The following PRDM16 variants were observed in gnomAD, a reference collection of about 807,000 sequenced individuals.
The protein encoded by PRDM16 is histone-lysine N-methyltransferase PRDM16.
Under a neutral mutation model 110.6 loss-of-function variants are expected in PRDM16, and 23 were observed. That is an observed-to-expected ratio of 0.21 (90% confidence interval 0.15 to 0.29). The LOEUF (loss-of-function observed/expected upper bound fraction) is 0.29. Ranked by LOEUF, PRDM16 falls within the 10% of genes least tolerant of loss-of-function variation. The pLI is 1.00. For missense variants in PRDM16, 1,615 were observed against 1,794.3 expected (o/e 0.90, Z 1.81); for synonymous variants, 799 against 781.8 (o/e 1.02, Z -0.37).
chr1:3,340,300 G>A (rs2100511296), intron 3 of PRDM16, among the ~76,000 whole-genome samples: 1 of 152,138 alleles, frequency 6.6e-6, no homozygotes, highest in East Asian at 1.9e-4. Flanking sequence ...TCGGAGGGAG[G>A]TACAGGTGGT....
chr1:3,259,861 G>A (rs1402548301), intron 3 of PRDM16, among the ~76,000 whole-genome samples: 1 of 152,130 alleles, frequency 6.6e-6, no homozygotes, highest in East Asian at 1.9e-4. Flanking sequence ...TCCCTCCCTC[G>A]TTAGTGCAGC....
intron 3 of PRDM16, among the ~76,000 whole-genome samples, chr1:3,341,327 G>A (rs924268336): frequency 5.3e-5 from 8 of 152,220 alleles, no homozygotes; most frequent in African/African-American, 1.9e-4. Context: ...TCCTCCTTCA[G>A]AGGCTGCAGG....
intron 3 of PRDM16, among the ~76,000 whole-genome samples, chr1:3,316,267 T>TG (rs1641598255): frequency 3.6e-4 from 1 of 2,776 alleles, no homozygotes; most frequent in Non-Finnish European, 6.6e-4. Context: ...ACCTACACTG[T>TG]GGGGGTAGGG....
rs79850495 is a variant in PRDM16 at position 3,324,334 on chromosome 1, G to A, written c.439-60818G>A. Among the ~76,000 whole-genome samples the A allele has an allele frequency of 6.1e-3, 929 of 152,196 alleles. 8 individuals carry two copies. The highest frequency in any genetic ancestry group is 0.021 in the African/African-American group (865 of 41,522). The stretch of plus-strand genomic sequence containing the variant: ...TCTCTGAGGCCACCTTTGCCACCCT[G>A]CCCCGCCTGCCAGTCCTGGCCATCT... On this transcript the variant is annotated intron_variant, in intron 3 of 16. Transcript: ENST00000270722.
Position 3,390,049 on chromosome 1 carries a change from C to A in PRDM16, c.573+4763C>A, listed in dbSNP as rs182549849. ...TGGTTCTTTCTCCTGTAATTATGAA[C>A]AAATGAGCTGGTTTGAAATGTTTCA... On this transcript the variant is annotated intron_variant, in intron 4 of 16. Coordinates refer to ENST00000270722, the MANE Select transcript of PRDM16 (RefSeq NM_022114.4). The surrounding 1 kb of genome is among the most constrained non-coding windows in gnomAD (Gnocchi z 5.0). Among the ~76,000 whole-genome samples the A allele has an allele frequency of 1.1e-3, 157 of 142,222 alleles. No individual in the cohort carries two copies. The highest frequency in any genetic ancestry group is 3.9e-3 in the Middle Eastern group (1 of 258). The allele number at this position is 142,222 out of a possible 152,430, so 93.3% of individuals were successfully genotyped here. A position where few individuals can be genotyped will look rare whatever the true frequency, so the allele number is the denominator to read the frequency against.
At chr1:3,313,661 G>A (rs1366611268) in intron 3 of PRDM16, among the ~76,000 whole-genome samples, 1 of 152,246 alleles carries the variant, frequency 6.6e-6, no homozygotes, top group Admixed American at 6.5e-5. Flanking sequence ...CCGCCTGGGG[G>A]CCAGAACCAC....
In PRDM16 at chr1:3,265,167, G is replaced by A. The variant is rs1470530170; in HGVS notation, c.438+21030G>A. On this transcript the variant is annotated intron_variant, in intron 3 of 16. Coordinates refer to ENST00000270722, the MANE Select transcript of PRDM16 (RefSeq NM_022114.4). The surrounding 1 kb of genome is among the most constrained non-coding windows in gnomAD (Gnocchi z 4.5). Reference sequence around the variant, plus strand: ...CGAGGCGAGCGGGCTGTTAGGACTGGGACTGAGGGTGGTGGACAGGGATGA... The same window carrying A: ...CGAGGCGAGCGGGCTGTTAGGACTGAGACTGAGGGTGGTGGACAGGGATGA... 6.6e-6 allele frequency among the ~76,000 whole-genome samples: 1 copy of A among 152,134 alleles called. No individual in the cohort carries two copies. Among genetic ancestry groups the A allele is most frequent in the Non-Finnish European group, 1.5e-5 (1 of 68,016 alleles).
chr1:3,274,619 C>T (rs1640540601), intron 3 of PRDM16, among the ~76,000 whole-genome samples: 1 of 152,238 alleles, frequency 6.6e-6, no homozygotes, highest in Admixed American at 6.5e-5. Context: ...ATTACAGTAG[C>T]ACCTGCCTTC....
intron 5 of PRDM16, among the ~76,000 whole-genome samples, chr1:3,398,449 A>T (rs1643418983): frequency 6.6e-6 from 1 of 152,176 alleles, no homozygotes; most frequent in Non-Finnish European, 1.5e-5. Context: ...ACAGAAAGAA[A>T]ATGCAAAAAT....
At chr1:3,324,226 A>G (rs552279562) in intron 3 of PRDM16, among the ~76,000 whole-genome samples, 252 of 152,094 alleles carry the variant, frequency 1.7e-3, no homozygotes, top group African/African-American at 5.7e-3. Flanking sequence ...GGACTCCCAC[A>G]GTGGGGCCTG....
In PRDM16 at chr1:3,244,243, A is replaced by C; in HGVS notation, c.438+106A>C. 1 of 1,056,940 alleles carries C rather than the reference A, an allele frequency of 9.5e-7. No individual in the cohort carries two copies. The highest frequency in any genetic ancestry group is 1.6e-5 in the African/African-American group (1 of 64,316). 65.5% of individuals were successfully genotyped at this position (1,056,940 alleles called of 1,614,324 possible). A position where few individuals can be genotyped will look rare whatever the true frequency, so the allele number is the denominator to read the frequency against. On this transcript the variant is annotated intron_variant, in intron 3 of 16. Transcript: ENST00000270722. The surrounding 1 kb of genome is among the most constrained non-coding windows in gnomAD (Gnocchi z 4.1). ...CCTGAGCTAACAAGCGTGTAGTCGGAATGTTGCTGGCAGGCCCCGAGCAAT... is the reference window on the plus strand; with the variant it reads ...CCTGAGCTAACAAGCGTGTAGTCGGCATGTTGCTGGCAGGCCCCGAGCAAT...
intron 1 of PRDM16, among the ~76,000 whole-genome samples, chr1:3,082,876 C>G (rs1642063343): frequency 6.6e-6 from 1 of 152,170 alleles, no homozygotes; most frequent in Non-Finnish European, 1.5e-5. Context: ...GCCTGTGGCC[C>G]CTGGGTCTGT....
At chr1:3,281,038 G>T (rs560649366) in intron 3 of PRDM16, among the ~76,000 whole-genome samples, 1 of 152,348 alleles carries the variant, frequency 6.6e-6, no homozygotes, top group African/African-American at 2.4e-5. Context: ...CTGGGTGGTT[G>T]TTCAACACCG....
rs1378911604 is a variant in PRDM16 at position 3,069,654 on chromosome 1, AAGTT to A, written c.37+361_37+364del. On this transcript the variant is annotated intron_variant, in intron 1 of 16. Transcript: ENST00000270722. The surrounding 1 kb of genome is among the most constrained non-coding windows in gnomAD (Gnocchi z 6.1). ...GGGGGTGGAGGGGAGCGAAAAGTGA[AAGTT>A]AGCGAAAAGTTGACGAAAGGGGAGA... Among the ~76,000 whole-genome samples the A allele has an allele frequency of 4.0e-5, 6 of 150,850 alleles. No individual in the cohort carries two copies. The highest frequency in any genetic ancestry group is 2.1e-4 in the South Asian group (1 of 4,774).
At chr1:3,086,657 G>A (rs1331022021) in intron 1 of PRDM16, among the ~76,000 whole-genome samples, 1 of 152,148 alleles carries the variant, frequency 6.6e-6, no homozygotes, top group African/African-American at 2.4e-5. Context: ...CCCAGGCCCG[G>A]CCACTGACGC....
intron 1 of PRDM16, among the ~76,000 whole-genome samples, chr1:3,094,350 A>C (rs536429900): frequency 2.6e-5 from 4 of 152,308 alleles, no homozygotes; most frequent in African/African-American, 9.6e-5. Flanking sequence ...CTTGGAAGTA[A>C]ATTCGAGTTA....
intron 2 of PRDM16, among the ~76,000 whole-genome samples, chr1:3,212,917 C>T (rs1638932223): frequency 6.6e-6 from 1 of 152,232 alleles, no homozygotes; most frequent in African/African-American, 2.4e-5. Context: ...CGAGCCTTTC[C>T]TTTTTCATGT....
rs1418086436 is a variant in PRDM16 at position 3,255,246 on chromosome 1, GGCA to G, written c.438+11110_438+11112del. 6.6e-6 allele frequency among the ~76,000 whole-genome samples: 1 copy of G among 152,088 alleles called. No homozygotes were observed. Among genetic ancestry groups the G allele is most frequent in the East Asian group, 1.9e-4 (1 of 5,200 alleles). On this transcript the variant is annotated intron_variant, in intron 3 of 16. Coordinates refer to ENST00000270722, the MANE Select transcript of PRDM16 (RefSeq NM_022114.4). This position sits in a 1 kb window ranked among gnomAD's most constrained non-coding sequence, Gnocchi z 4.7. ...CATTACCATTCAGGACATAGGCATGGGCAAGGACTTCATGTCTAAAACACCACA... is the reference window on the plus strand; with the variant it reads ...CATTACCATTCAGGACATAGGCATGGAGGACTTCATGTCTAAAACACCACA...
At chr1:3,189,133 C>G (rs969249890) in intron 2 of PRDM16, among the ~76,000 whole-genome samples, 1 of 152,188 alleles carries the variant, frequency 6.6e-6, no homozygotes, top group South Asian at 2.1e-4. Flanking sequence ...TTCCAAGTGC[C>G]GTGAACAGGG....
Sources: gnomAD v4.1 joint callset for allele counts (sites outside exome capture counted in the v4.1 genomes callset) on GRCh38, gnomAD v4.1.1 for gene constraint, Gnocchi (gnomAD v3.1) non-coding constraint, MANE v1.5 for transcripts, NCBI Gene and HGNC (gene_info 2026-07-23, HGNC 2026-07-21) for gene names.